Variants in PHTF1 observed in about 807,000 individuals in gnomAD.
PHTF1 encodes putative homeodomain transcription factor 1, also known as protein PHTF1.
A neutral mutation model predicts 102.4 loss-of-function variants in PHTF1; 88 were observed. That is an observed-to-expected ratio of 0.86 (90% CI 0.72 to 1.03). The LOEUF (loss-of-function observed/expected upper bound fraction) is 1.03. PHTF1 is among the 50% of genes least tolerant of loss of function. The pLI is 0.00. For synonymous variants in PHTF1, 289 were observed against 305.2 expected, an observed-to-expected ratio of 0.95 and a Z score of 0.55; for missense variants, 814 against 909.5, an observed-to-expected ratio of 0.89 and a Z score of 1.35.
rs1557916660 is a variant in PHTF1, at chr1:113,711,852, C to T, written c.958-17G>A. The T allele has an allele frequency of 4.3e-6, 7 of 1,610,076 alleles. No homozygotes were observed. The highest frequency in any genetic ancestry group is 4.3e-6 in the Non-Finnish European group (5 of 1,176,434). On this transcript the variant is annotated splice_polypyrimidine_tract_variant and intron_variant, in intron 9 of 18. Coordinates refer to ENST00000369604, the MANE Select transcript of PHTF1 (RefSeq NM_001323043.2). ...TTTCTTTACCTGCCAAAAATCAAAC[C>T]AACAAGCAATAGGAAAATATGTTAA...
intron 6 of PHTF1, 66 bp downstream of exon 6, chr1:113,726,352 G>T (rs1037002080): frequency 2.5e-6 from 3 of 1,212,634 alleles, no homozygotes; most frequent in Admixed American, 5.0e-5. Flanking sequence ...TTAATCAAAG[G>T]TTTTATAAAT....
intron 11 of PHTF1, among the ~76,000 whole-genome samples, chr1:113,709,567 GC>G: frequency 6.6e-6 from 1 of 152,278 alleles, no homozygotes. Flanking sequence ...AAGCATTCCA[GC>G]TCCAGAAGTA....
intron 4 of PHTF1, among the ~76,000 whole-genome samples, 182 bp from the exon 5 acceptor site, chr1:113,738,450 G>C (rs1028691875): frequency 4.1e-4 from 63 of 151,862 alleles, no homozygotes; most frequent in Admixed American, 3.9e-3. Flanking sequence ...CACTAGGACA[G>C]AAGCTCAAAA....
rs747542313 is a variant in PHTF1 at position 113,712,076 on chromosome 1, T to C, written c.821A>G (p.Asp274Gly). The change falls in exon 9 of 19, where the codon GAC (aspartate) becomes GGC (glycine). Residue 274 changes from aspartate (D) to glycine (G), a missense_variant. Coordinates refer to ENST00000369604, the MANE Select transcript of PHTF1 (RefSeq NM_001323043.2). Reference protein sequence around the residue: ...FRRLGNGVSDDLSSEEDGEAR... With the variant: ...FRRLGNGVSDGLSSEEDGEAR... Reference sequence around the variant, plus strand: ...TTCACCATCTTCTTCACTTGACAGGTCATCAGACACCCCATTACCCAAACG... The same window carrying C: ...TTCACCATCTTCTTCACTTGACAGGCCATCAGACACCCCATTACCCAAACG... 1 of 1,614,004 alleles carries C rather than the reference T, an allele frequency of 6.2e-7. No homozygotes were observed. The highest frequency in any genetic ancestry group is 1.7e-5 in the Admixed American group (1 of 60,014).
intron 3 of PHTF1, among the ~76,000 whole-genome samples, chr1:113,750,423 C>T (rs866944501): frequency 1.3e-5 from 2 of 152,166 alleles, no homozygotes; most frequent in South Asian, 4.1e-4. Context: ...CAAAACCATG[C>T]TATCTTCAAA....
chr1:113,758,546 A>G (rs534853751), intron 2 of PHTF1, 113 bp downstream of exon 2: 1 of 457,302 alleles, frequency 2.2e-6, no homozygotes, highest in East Asian at 3.9e-5. Flanking sequence ...ATGTTGAAGT[A>G]TACATGAACA....
At chr1:113,728,977 G>A (rs1025393971) in intron 5 of PHTF1, among the ~76,000 whole-genome samples, 6 of 152,126 alleles carry the variant, frequency 3.9e-5, no homozygotes, top group Non-Finnish European at 7.4e-5. Context: ...TCCCACATTT[G>A]TTGTAGCACT....
chr1:113,716,214 G>C (rs1275977583), intron 7 of PHTF1, among the ~76,000 whole-genome samples: 1 of 151,904 alleles, frequency 6.6e-6, no homozygotes, highest in Non-Finnish European at 1.5e-5. Context: ...GATCCTAAAA[G>C]CAGCAAGAGA....
intron 14 of PHTF1, among the ~76,000 whole-genome samples, chr1:113,704,457 G>T (rs1433554174): frequency 6.6e-6 from 1 of 152,060 alleles, no homozygotes; most frequent in Non-Finnish European, 1.5e-5. Context: ...AGGAAATTTA[G>T]ATTTTCTTTT....
chr1:113,755,004 A>T (rs2101728447), intron 3 of PHTF1, among the ~76,000 whole-genome samples: 1 of 152,264 alleles, frequency 6.6e-6, no homozygotes, highest in East Asian at 1.9e-4. Context: ...ATTGTAGTTC[A>T]ATAAATGCTT....
intron 7 of PHTF1, among the ~76,000 whole-genome samples, chr1:113,724,064 G>A (rs1485834522): frequency 6.6e-6 from 1 of 152,182 alleles, no homozygotes; most frequent in East Asian, 1.9e-4. Flanking sequence ...AAACCACAGT[G>A]AGATATCATC....
Position 113,738,762 on chromosome 1 carries a change from T to C in PHTF1, c.140A>G (p.Lys47Arg), listed in dbSNP as rs769915660. The C allele has an allele frequency of 6.2e-7, 1 of 1,605,126 alleles. No individual in the cohort carries two copies. Among genetic ancestry groups the C allele is most frequent in the South Asian group, 1.1e-5 (1 of 88,710 alleles). Reference protein sequence around the residue: ...KNKPKKMGHIKPDLIDVDLIR... With the variant: ...KNKPKKMGHIRPDLIDVDLIR... ...TAAGTCAACGTCAATCAAGTCTGGC[T>C]TTATGTGGCCCATCTTTTTCGGTTT... The change falls in exon 4 of 19, where the codon AAG becomes AGG. Residue 47 changes from lysine (K) to arginine (R), a missense_variant. Lys to Arg is a conservative substitution (Grantham distance 26, BLOSUM62 2). Coordinates refer to ENST00000369604, the MANE Select transcript of PHTF1 (RefSeq NM_001323043.2).
chr1:113,706,457 T>A, intron 12 of PHTF1, 137 bp downstream of exon 12: 1 of 525,848 alleles, frequency 1.9e-6, no homozygotes, highest in Non-Finnish European at 3.1e-6. Flanking sequence ...ATGTTAATAA[T>A]GTTATTATAT....
intron 5 of PHTF1, among the ~76,000 whole-genome samples, chr1:113,732,373 G>A (rs549035982): frequency 6.6e-6 from 1 of 152,200 alleles, no homozygotes; most frequent in South Asian, 2.1e-4. Context: ...GCATACGCCT[G>A]TAATCCCAGC....
At chr1:113,731,525 C>T (rs896756012) in intron 5 of PHTF1, among the ~76,000 whole-genome samples, 6 of 150,676 alleles carry the variant, frequency 4.0e-5, no homozygotes, top group African/African-American at 4.9e-5. Context: ...AGTGAGACCC[C>T]GTCTCTATTT....
intron 7 of PHTF1, among the ~76,000 whole-genome samples, chr1:113,715,718 CAGA>C (rs1373198635): frequency 1.1e-5 from 1 of 90,330 alleles, no homozygotes; most frequent in Non-Finnish European, 2.4e-5. Flanking sequence ...CAAGAATACA[CAGA>C]AGGAATTCAG....
chr1:113,731,568 A>T (rs1235360597), intron 5 of PHTF1, among the ~76,000 whole-genome samples: 1 of 151,406 alleles, frequency 6.6e-6, no homozygotes, highest in Admixed American at 6.6e-5. Context: ...AAAGAAAAAA[A>T]TCCTGCAAAG....
chr1:113,759,202 C>A lies in PHTF1; in HGVS notation c.-210G>T. 1.8e-6 allele frequency: 1 copy of A among 550,686 alleles called. No homozygotes were observed. The allele number at this position is 550,686 out of a possible 1,614,324, so 34.1% of individuals were successfully genotyped here. On this transcript the variant is annotated 5_prime_UTR_variant, in exon 1 of 19. Transcript: ENST00000369604. ...GAGGCCGCCCCAGCTTCGGAGGCAG[C>A]CGGCCGCCCAGCGCCCTGAGGGCGG...
At chr1:113,744,403 T>G (rs747040320) in intron 3 of PHTF1, among the ~76,000 whole-genome samples, 5 of 152,220 alleles carry the variant, frequency 3.3e-5, no homozygotes, top group Non-Finnish European at 7.3e-5. Context: ...TGCTGAAATT[T>G]TCTATTTTAT....
Sources: allele counts gnomAD v4.1 joint callset (sites outside exome capture counted in the v4.1 genomes callset), GRCh38; gene constraint gnomAD v4.1.1; transcripts MANE v1.5; gene names NCBI Gene and HGNC (gene_info 2026-07-23, HGNC 2026-07-21).